OSTF1: variants seen among roughly 807,000 people sequenced by gnomAD.
OSTF1 encodes osteoclast stimulating factor 1.
In OSTF1, 27 loss-of-function variants were observed where a neutral mutation model predicts 37.2. That is an observed-to-expected ratio of 0.73 (90% CI 0.54 to 1.00). The LOEUF is 1.00. Ranked by LOEUF, OSTF1 falls within the 50% of genes least tolerant of loss-of-function variation. OSTF1 has a pLI of 0.00. For missense variants in OSTF1, 232 were observed against 253.8 expected (o/e 0.91, Z 0.58); for synonymous variants, 82 against 89.2 (o/e 0.92, Z 0.46).
At chr9:75,141,812 A>G (rs941824455) in intron 9 of OSTF1, among the ~76,000 whole-genome samples, 25 of 152,244 alleles carry the variant, frequency 1.6e-4, no homozygotes, top group African/African-American at 5.8e-4. Flanking sequence ...CAGGTGTGCA[A>G]TCATAGCTCA....
intron 1 of OSTF1, among the ~76,000 whole-genome samples, chr9:75,106,746 G>C: frequency 6.7e-6 from 1 of 149,736 alleles, no homozygotes; most frequent in Non-Finnish European, 1.5e-5. Context: ...ACAAGGTCAA[G>C]AGATCAAGAC....
intron 7 of OSTF1, among the ~76,000 whole-genome samples, chr9:75,135,191 G>A (rs1825823533): frequency 6.6e-6 from 1 of 152,146 alleles, no homozygotes; most frequent in South Asian, 2.1e-4. Context: ...AGAAGCTTGG[G>A]ATTGATTATA....
chr9:75,145,598 G>A (rs79329445), intron 9 of OSTF1, among the ~76,000 whole-genome samples: 4,218 of 152,218 alleles, frequency 0.028, 171 homozygotes, highest in African/African-American at 0.093. Context: ...GTTTTGTTAC[G>A]CAGAGGAACA....
chr9:75,103,700 C>T (rs544687806), intron 1 of OSTF1, among the ~76,000 whole-genome samples: 2 of 152,294 alleles, frequency 1.3e-5, no homozygotes, highest in South Asian at 2.1e-4. Flanking sequence ...GTAGCACAGT[C>T]TTGACTCACT....
intron 1 of OSTF1, among the ~76,000 whole-genome samples, chr9:75,097,519 A>G (rs1293541186): frequency 6.6e-6 from 1 of 152,222 alleles, no homozygotes; most frequent in East Asian, 1.9e-4. Context: ...AGTTATAATC[A>G]AGTTTACATT....
chr9:75,112,237 T>G (rs1020021694), intron 1 of OSTF1, among the ~76,000 whole-genome samples: 1 of 152,146 alleles, frequency 6.6e-6, no homozygotes, highest in African/African-American at 2.4e-5. Context: ...TGCTCAAAAT[T>G]GAAATAAATA....
intron 1 of OSTF1, among the ~76,000 whole-genome samples, chr9:75,094,210 T>A (rs1825031274): frequency 3.9e-5 from 6 of 152,194 alleles, no homozygotes. Context: ...ATTATTGGTA[T>A]TTGGTTTGTG....
intron 2 of OSTF1, 107 bp from the exon 3 acceptor site, chr9:75,127,462 G>A (rs531819895): frequency 6.5e-5 from 39 of 601,470 alleles, no homozygotes; most frequent in Non-Finnish European, 1.0e-4. Flanking sequence ...TGATTTAAGT[G>A]TATAAAACCA....
At chr9:75,132,972 T>TACACACACACACACACACACAC in intron 5 of OSTF1, among the ~76,000 whole-genome samples, 1 of 60,342 alleles carries the variant, frequency 1.7e-5, no homozygotes, top group African/African-American at 4.0e-5. Flanking sequence ...TACACACACA[T>TACACACACACACACACACACAC]ACACACACAC....
At chr9:75,107,688 C>A (rs1825312803) in intron 1 of OSTF1, among the ~76,000 whole-genome samples, 1 of 152,220 alleles carries the variant, frequency 6.6e-6, no homozygotes, top group Admixed American at 6.5e-5. Context: ...TTCTTGATAA[C>A]CCAGAACATA....
intron 1 of OSTF1, among the ~76,000 whole-genome samples, chr9:75,105,246 CTGTT>C (rs1295390883): frequency 6.6e-6 from 1 of 152,168 alleles, no homozygotes; most frequent in South Asian, 2.1e-4. Context: ...GCCCAGTGCT[CTGTT>C]TGTCTGACTT....
chr9:75,104,452 A>C (rs1420357817), intron 1 of OSTF1, among the ~76,000 whole-genome samples: 1 of 152,078 alleles, frequency 6.6e-6, no homozygotes, highest in Non-Finnish European at 1.5e-5. Flanking sequence ...AGACAGGAGG[A>C]TCTCTTGAGC....
At chr9:75,112,877 A>G (rs527571488) in intron 1 of OSTF1, among the ~76,000 whole-genome samples, 7 of 152,210 alleles carry the variant, frequency 4.6e-5, no homozygotes, top group Non-Finnish European at 7.3e-5. Flanking sequence ...GCTTCCTTGT[A>G]TAACTTCTCT....
intron 2 of OSTF1, among the ~76,000 whole-genome samples, chr9:75,127,018 T>A (rs918921357): frequency 2.6e-5 from 4 of 152,200 alleles, no homozygotes; most frequent in African/African-American, 4.8e-5. Flanking sequence ...CTTTTAGCTC[T>A]TTAGCCTTAT....
chr9:75,129,429 G>A (rs1052088698), intron 3 of OSTF1, among the ~76,000 whole-genome samples: 2 of 152,140 alleles, frequency 1.3e-5, no homozygotes, highest in African/African-American at 2.4e-5. Flanking sequence ...GAATTAGAAT[G>A]TCACCATCTT....
intron 1 of OSTF1, among the ~76,000 whole-genome samples, chr9:75,111,266 G>C (rs1286723290): frequency 6.6e-6 from 1 of 152,074 alleles, no homozygotes; most frequent in Non-Finnish European, 1.5e-5. Flanking sequence ...CTCTGCCTTT[G>C]CCCTGCCTCT....
At chr9:75,141,031 G>A in intron 9 of OSTF1, 99 bp downstream of exon 9, 1 of 800,330 alleles carries the variant, frequency 1.2e-6, no homozygotes, top group Non-Finnish European at 2.0e-6. Flanking sequence ...GAGTGCAGTG[G>A]CTTATACCTG....
intron 7 of OSTF1, among the ~76,000 whole-genome samples, chr9:75,136,699 A>T (rs1258301310): frequency 1.3e-5 from 2 of 152,052 alleles, no homozygotes; most frequent in African/African-American, 4.8e-5. Context: ...GCCCTTATCC[A>T]TTCATTTTTA....
At chr9:75,089,038 GGAAA>G (rs1224456495) in intron 1 of OSTF1, among the ~76,000 whole-genome samples, 3 of 152,208 alleles carry the variant, frequency 2.0e-5, no homozygotes, top group African/African-American at 7.2e-5. Flanking sequence ...GAAGTTTTCC[GGAAA>G]GACAGGGCCA....
Sources: allele counts gnomAD v4.1 joint callset (sites outside exome capture counted in the v4.1 genomes callset), GRCh38; gene constraint gnomAD v4.1.1; transcripts MANE v1.5; gene names NCBI Gene and HGNC (gene_info 2026-07-23, HGNC 2026-07-21).